BCL2: variants seen among roughly 807,000 people sequenced by gnomAD.
BCL2 encodes BCL2 apoptosis regulator.
A neutral mutation model predicts 14.2 loss-of-function variants in BCL2; 1 was observed. The observed-to-expected ratio is 0.07, with a 90% CI of 0.02 to 0.33. The LOEUF (loss-of-function observed/expected upper bound fraction) is 0.33, where lower values mean the gene tolerates loss of function less well. Ranked by LOEUF, BCL2 falls within the 10% of genes least tolerant of loss-of-function variation. The pLI is 0.99. For missense variants in BCL2, 247 were observed against 305.9 expected (o/e 0.81, Z 1.44); for synonymous variants, 151 against 137.2 (o/e 1.10, Z -0.70).
At chr18:63,253,073 C>T (rs1028331287) in intron 2 of BCL2, among the ~76,000 whole-genome samples, 1 of 152,228 alleles carries the variant, frequency 6.6e-6, no homozygotes, top group Non-Finnish European at 1.5e-5. Flanking sequence ...ACACAGTTTG[C>T]GTTTGTTTAT....
chr18:63,186,700 G>T (rs1915600916), intron 2 of BCL2, among the ~76,000 whole-genome samples: 1 of 152,154 alleles, frequency 6.6e-6, no homozygotes, highest in African/African-American at 2.4e-5. Flanking sequence ...AATAAATTTG[G>T]ATGATGCAAT....
chr18:63,127,901 G>C lies in BCL2; in HGVS notation c.*724C>G, dbSNP rs1913952436. ...AATGCTTTTCTCGGCACAATTGGTA[G>C]CTTAAAAAAATACTTTCCTATGATT... On this transcript the variant is annotated 3_prime_UTR_variant, in exon 3 of 3. Transcript: ENST00000333681. 1 of 224,952 alleles carries C rather than the reference G, an allele frequency of 4.4e-6. No individual in the cohort carries two copies. The highest frequency in any genetic ancestry group is 5.7e-5 in the Admixed American group (1 of 17,464). The allele number at this position is 224,952 out of a possible 1,614,324, so 13.9% of individuals were successfully genotyped here.
At chr18:63,252,075 G>T (rs768612092) in intron 2 of BCL2, among the ~76,000 whole-genome samples, 2 of 152,126 alleles carry the variant, frequency 1.3e-5, no homozygotes, top group African/African-American at 4.8e-5. Context: ...ATTAAAGTAT[G>T]CAAAGAAGCC....
chr18:63,215,442 AATCT>A (rs1452583649), intron 2 of BCL2, among the ~76,000 whole-genome samples: 2 of 152,252 alleles, frequency 1.3e-5, no homozygotes, highest in Non-Finnish European at 2.9e-5. Context: ...GGATTTCAGC[AATCT>A]ATCACTGTTA....
At chr18:63,263,093 T>A (rs942837154) in intron 2 of BCL2, among the ~76,000 whole-genome samples, 1 of 152,298 alleles carries the variant, frequency 6.6e-6, no homozygotes, top group Admixed American at 6.5e-5. Context: ...CGGAAAACTG[T>A]GCTCATCAGG....
intron 2 of BCL2, among the ~76,000 whole-genome samples, chr18:63,283,205 T>C (rs1912363663): frequency 6.6e-6 from 1 of 152,212 alleles, no homozygotes. Flanking sequence ...AGGCAGTAAG[T>C]ATGGCAACAA....
intron 2 of BCL2, among the ~76,000 whole-genome samples, chr18:63,129,055 G>C (rs2144584790): frequency 1.3e-5 from 2 of 152,282 alleles, no homozygotes; most frequent in Middle Eastern, 6.8e-3. Context: ...GAACAGTATA[G>C]ACAGCAATCA....
chr18:63,248,877 T>C (rs1911225880), intron 2 of BCL2, among the ~76,000 whole-genome samples: 1 of 152,232 alleles, frequency 6.6e-6, no homozygotes, highest in South Asian at 2.1e-4. Flanking sequence ...TCAATGCCCC[T>C]ATATTGTACC....
At chr18:63,236,019 G>A (rs1910820525) in intron 2 of BCL2, among the ~76,000 whole-genome samples, 1 of 152,036 alleles carries the variant, frequency 6.6e-6, no homozygotes, top group South Asian at 2.1e-4. Flanking sequence ...ACGTATCATG[G>A]GAGGCACCTG....
chr18:63,247,344 G>A (rs935537552), intron 2 of BCL2, among the ~76,000 whole-genome samples: 5 of 141,422 alleles, frequency 3.5e-5, no homozygotes, highest in Non-Finnish European at 7.7e-5. Flanking sequence ...GATTATAGGC[G>A]CCCGCCACCA....
At chr18:63,284,799 G>A (rs1450245628) in intron 2 of BCL2, among the ~76,000 whole-genome samples, 1 of 150,552 alleles carries the variant, frequency 6.6e-6, no homozygotes, top group African/African-American at 2.4e-5. Context: ...GGGGTGGGGG[G>A]TTTGGACGGA....
At position 63,187,914 on chromosome 18, in the gene BCL2, C is replaced by A. The variant is rs150543283; in HGVS notation, c.586-59155G>T. ...AGTGGTATGGCATTCCCATTTGAACCAGGTCCAGCTCTGAAAGCTGGAGCA... is the reference window on the plus strand; with the variant it reads ...AGTGGTATGGCATTCCCATTTGAACAAGGTCCAGCTCTGAAAGCTGGAGCA... On this transcript the variant is annotated intron_variant, in intron 2 of 2. Coordinates refer to ENST00000333681, the MANE Select transcript of BCL2 (RefSeq NM_000633.3). 3.5e-3 allele frequency among the ~76,000 whole-genome samples: 532 copies of A among 152,234 alleles called. 2 individuals are homozygous for A. Among genetic ancestry groups the A allele is most frequent in the Non-Finnish European group, 6.1e-3 (415 of 68,020 alleles).
At chr18:63,242,126 A>G (rs79568800) in intron 2 of BCL2, among the ~76,000 whole-genome samples, 1 of 151,934 alleles carries the variant, frequency 6.6e-6, no homozygotes, top group African/African-American at 2.4e-5. Context: ...AAGGAAAAAA[A>G]AATGAAATTT....
intron 2 of BCL2, among the ~76,000 whole-genome samples, chr18:63,196,968 C>T (rs1018186021): frequency 1.3e-5 from 2 of 152,150 alleles, no homozygotes; most frequent in Non-Finnish European, 2.9e-5. Flanking sequence ...CATCTGAACT[C>T]CATCTTCCTA....
intron 2 of BCL2, among the ~76,000 whole-genome samples, chr18:63,283,598 G>T (rs951170205): frequency 5.9e-5 from 9 of 152,178 alleles, no homozygotes; most frequent in African/African-American, 1.9e-4. Context: ...AACAAAATCA[G>T]CCAGGAATGA....
At chr18:63,151,752 T>C (rs960639109) in intron 2 of BCL2, among the ~76,000 whole-genome samples, 1 of 152,210 alleles carries the variant, frequency 6.6e-6, no homozygotes, top group Non-Finnish European at 1.5e-5. Context: ...TAATGCGATG[T>C]GAGTCCCTTA....
chr18:63,252,355 T>C (rs1469135660), intron 2 of BCL2, among the ~76,000 whole-genome samples: 1 of 152,240 alleles, frequency 6.6e-6, no homozygotes, highest in Admixed American at 6.5e-5. Flanking sequence ...TCTGCATATG[T>C]CCTCATATCT....
At chr18:63,264,626 T>G (rs928624109) in intron 2 of BCL2, among the ~76,000 whole-genome samples, 2 of 152,202 alleles carry the variant, frequency 1.3e-5, no homozygotes, top group African/African-American at 4.8e-5. Context: ...TGATATTAAA[T>G]ATTTTTAAGA....
At chr18:63,208,696 G>A (rs931595351) in intron 2 of BCL2, among the ~76,000 whole-genome samples, 1 of 152,192 alleles carries the variant, frequency 6.6e-6, no homozygotes, top group Non-Finnish European at 1.5e-5. Context: ...TAACTATCGG[G>A]CTAAGGAAAG....
Sources: gnomAD v4.1 joint callset for allele counts (sites outside exome capture counted in the v4.1 genomes callset) on GRCh38, gnomAD v4.1.1 for gene constraint, MANE v1.5 for transcripts, NCBI Gene and HGNC (gene_info 2026-07-23, HGNC 2026-07-21) for gene names.